The following KCNMB2 variants were observed in gnomAD, a reference collection of about 807,000 sequenced individuals.
KCNMB2 encodes the protein potassium calcium-activated channel subfamily M regulatory beta subunit 2.
A neutral mutation model predicts 24.5 loss-of-function variants in KCNMB2; 9 were observed. That is an observed-to-expected ratio of 0.37 (90% CI 0.22 to 0.64). The LOEUF (loss-of-function observed/expected upper bound fraction) is 0.64. KCNMB2 is among the 30% of genes least tolerant of loss of function. The probability of loss-of-function intolerance (pLI) is 0.63; values close to 1 mark genes in which losing one functional copy is unlikely to be tolerated. For synonymous variants in KCNMB2, 109 were observed against 104.4 expected, an observed-to-expected ratio of 1.04 and a Z score of -0.27; for missense variants, 226 against 284.3, an observed-to-expected ratio of 0.79 and a Z score of 1.47.
intron 1 of KCNMB2, among the ~76,000 whole-genome samples, chr3:178,771,849 C>T (rs1012204031): frequency 2.0e-5 from 3 of 152,152 alleles, no homozygotes; most frequent in African/African-American, 7.2e-5. Flanking sequence ...TTATTTATCT[C>T]ATGGACAGAT....
chr3:178,573,895 C>T (rs1418357920), intron 1 of KCNMB2, among the ~76,000 whole-genome samples: 9 of 151,740 alleles, frequency 5.9e-5, no homozygotes, highest in Non-Finnish European at 1.3e-4. Flanking sequence ...AGCTGTGATG[C>T]CTGTGAAAGG....
intron 1 of KCNMB2, among the ~76,000 whole-genome samples, chr3:178,562,735 G>A (rs1433994061): frequency 6.6e-6 from 1 of 152,142 alleles, no homozygotes; most frequent in African/African-American, 2.4e-5. Flanking sequence ...ATAGCATGAA[G>A]GCCCTCCTCG....
At position 178,581,179 on chromosome 3, in the gene KCNMB2, A is replaced by G. The variant is rs1275413225; in HGVS notation, c.-68+44468A>G. ...GGTACCAAAACAGAGAGATAGACCA[A>G]TGGAACAAAACAGAGGCCTCAGAAA... On this transcript the variant is annotated intron_variant, in intron 1 of 4. Coordinates refer to ENST00000452583, the MANE Select transcript of KCNMB2 (RefSeq NM_181361.3). Among the ~76,000 whole-genome samples, 7 of 152,314 alleles carry G rather than the reference A, an allele frequency of 4.6e-5. No individual in the cohort carries two copies. In the East Asian group the frequency reaches 1.3e-3, roughly 29 times the overall value.
At chr3:178,774,358 CAT>C (rs900832539) in intron 1 of KCNMB2, among the ~76,000 whole-genome samples, 11 of 152,202 alleles carry the variant, frequency 7.2e-5, no homozygotes, top group Non-Finnish European at 1.6e-4. Flanking sequence ...GGATAGGAAA[CAT>C]ATCTACAGAG....
intron 1 of KCNMB2, among the ~76,000 whole-genome samples, chr3:178,614,760 C>T (rs1023490542): frequency 1.3e-5 from 2 of 152,158 alleles, no homozygotes; most frequent in African/African-American, 4.8e-5. Context: ...TGTTTCTCCA[C>T]CATTGGTCCC....
chr3:178,699,044 C>T (rs1297012393), intron 1 of KCNMB2, among the ~76,000 whole-genome samples: 1 of 152,228 alleles, frequency 6.6e-6, no homozygotes, highest in African/African-American at 2.4e-5. Context: ...GGGCTGCCTG[C>T]CATCCTGTGG....
intron 1 of KCNMB2, among the ~76,000 whole-genome samples, chr3:178,757,767 T>TATCTTATATCC (rs1724187707): frequency 1.8e-5 from 2 of 109,098 alleles, no homozygotes; most frequent in Non-Finnish European, 1.8e-5. Flanking sequence ...TATATATATA[T>TATCTTATATCC]ATCCAAGAGG....
At chr3:178,577,674 A>C (rs1377637608) in intron 1 of KCNMB2, among the ~76,000 whole-genome samples, 1 of 152,234 alleles carries the variant, frequency 6.6e-6, no homozygotes, top group Admixed American at 6.5e-5. Flanking sequence ...AGAAGAACAC[A>C]AACACAAGTT....
intron 1 of KCNMB2, among the ~76,000 whole-genome samples, chr3:178,751,077 T>A (rs956509859): frequency 1.4e-5 from 2 of 143,468 alleles, no homozygotes; most frequent in Admixed American, 6.7e-5. Context: ...ATAGTTTGCA[T>A]TTTTTTTGCC....
rs960040735 is a variant in KCNMB2, at chr3:178,779,257, A to T, written c.-67-28086A>T. Among the ~76,000 whole-genome samples the T allele has an allele frequency of 1.7e-4, 26 of 152,006 alleles. 1 individual carries two copies. The highest frequency in any genetic ancestry group is 6.3e-4 in the African/African-American group (26 of 41,366). The stretch of plus-strand genomic sequence containing the variant: ...CCAGAAATTCTTCCCACTGTTATTC[A>T]TTTTCTTTGGCTTTCAATATCCACC... On this transcript the variant is annotated intron_variant, in intron 1 of 4. Transcript: ENST00000452583.
At chr3:178,727,246 T>C (rs1345962391) in intron 1 of KCNMB2, among the ~76,000 whole-genome samples, 1 of 152,138 alleles carries the variant, frequency 6.6e-6, no homozygotes, top group Admixed American at 6.6e-5. Context: ...CTGGTCAAGA[T>C]TCTCTTCCCC....
intron 1 of KCNMB2, among the ~76,000 whole-genome samples, chr3:178,659,062 C>G (rs1439490309): frequency 6.6e-6 from 1 of 152,208 alleles, no homozygotes; most frequent in African/African-American, 2.4e-5. Context: ...CTTCTGGCCT[C>G]TACTCTGGCT....
chr3:178,655,095 C>CCTCTCT (rs67468527), intron 1 of KCNMB2, among the ~76,000 whole-genome samples: 3,842 of 110,728 alleles, frequency 0.035, 166 homozygotes, highest in East Asian at 0.05. Flanking sequence ...ATTAGCTCTC[C>CCTCTCT]CTCTCTCTCT....
intron 1 of KCNMB2, among the ~76,000 whole-genome samples, chr3:178,558,223 G>A (rs73052496): frequency 0.012 from 1,817 of 152,298 alleles, 43 homozygotes; most frequent in African/African-American, 0.04. Flanking sequence ...ATAACTGACT[G>A]TAATAATTCA....
At chr3:178,639,804 T>C (rs1339988530) in intron 1 of KCNMB2, among the ~76,000 whole-genome samples, 1 of 152,280 alleles carries the variant, frequency 6.6e-6, no homozygotes, top group Non-Finnish European at 1.5e-5. Flanking sequence ...CATGTGGTTC[T>C]ATACAACATC....
At chr3:178,613,140 G>A (rs1236487027) in intron 1 of KCNMB2, among the ~76,000 whole-genome samples, 1 of 152,192 alleles carries the variant, frequency 6.6e-6, no homozygotes, top group Non-Finnish European at 1.5e-5. Context: ...GCTCATGCCT[G>A]TAATCCCGGC....
chr3:178,612,669 T>C (rs1718523193), intron 1 of KCNMB2, among the ~76,000 whole-genome samples: 1 of 152,156 alleles, frequency 6.6e-6, no homozygotes, highest in Admixed American at 6.5e-5. Context: ...AATCAATGGG[T>C]CTTGTTTTTT....
chr3:178,614,039 TC>T (rs1718591063), intron 1 of KCNMB2, among the ~76,000 whole-genome samples: 3 of 151,004 alleles, frequency 2.0e-5, no homozygotes, highest in Middle Eastern at 3.2e-3. Flanking sequence ...AAATAGTCTT[TC>T]TTCAGGCTCA....
At position 178,536,493 on chromosome 3, in the gene KCNMB2, C is replaced by G. The variant is rs1179636277; in HGVS notation, c.-286C>G. ...ACTAATTTCAAGCATGGCTGTCTAG[C>G]GTGCCTGTCACTCCTATTGTCCTTC... is the stretch of plus-strand genomic sequence containing the variant. On this transcript the variant is annotated 5_prime_UTR_variant, in exon 1 of 5. Transcript: ENST00000452583. 6.6e-6 allele frequency: 1 copy of G among 152,198 alleles called. No individual in the cohort carries two copies. The highest frequency in any genetic ancestry group is 1.5e-5 in the Non-Finnish European group (1 of 68,058). The allele number at this position is 152,198 out of a possible 1,614,324, so 9.4% of individuals were successfully genotyped here. A position where few individuals can be genotyped will look rare whatever the true frequency, so the allele number is the denominator to read the frequency against.
Sources: allele counts gnomAD v4.1 joint callset (sites outside exome capture counted in the v4.1 genomes callset), GRCh38; gene constraint gnomAD v4.1.1; transcripts MANE v1.5; gene names NCBI Gene and HGNC (gene_info 2026-07-23, HGNC 2026-07-21).